The following HHAT variants were observed in gnomAD, a reference collection of about 807,000 sequenced individuals.
HHAT encodes protein-cysteine N-palmitoyltransferase HHAT.
A neutral mutation model predicts 70.8 loss-of-function variants in HHAT; 47 were observed. That is an observed-to-expected ratio of 0.66 (90% CI 0.53 to 0.85). The LOEUF is 0.85. HHAT is among the 40% of genes least tolerant of loss of function. The pLI is 0.00. For synonymous variants in HHAT, 228 were observed against 247.6 expected, an observed-to-expected ratio of 0.92 and a Z score of 0.74; for missense variants, 609 against 604.8, an observed-to-expected ratio of 1.01 and a Z score of -0.07.
intron 10 of HHAT, among the ~76,000 whole-genome samples, chr1:210,600,856 A>G (rs1664106092): frequency 6.6e-6 from 1 of 152,042 alleles, no homozygotes; most frequent in Non-Finnish European, 1.5e-5. Context: ...AAGAGTCTAT[A>G]TCTCAAATAG....
Position 210,508,935 on chromosome 1 carries a change from A to C in HHAT, c.1008-4218A>C, listed in dbSNP as rs1229675996. Among the ~76,000 whole-genome samples the C allele has an allele frequency of 3.2e-4, 49 of 152,224 alleles. 1 individual carries two copies. Among genetic ancestry groups the C allele is most frequent in the Non-Finnish European group, 1.2e-4 (8 of 68,028 alleles). On this transcript the variant is annotated intron_variant, in intron 8 of 11. Coordinates refer to ENST00000261458, the MANE Select transcript of HHAT (RefSeq NM_018194.6). Reference sequence around the variant, plus strand: ...TTAAACTCACAAACATTAGAAGCACAGTACCTATGTAACATTTTCCCCCTG... The same window carrying C: ...TTAAACTCACAAACATTAGAAGCACCGTACCTATGTAACATTTTCCCCCTG...
At chr1:210,457,880 C>T (rs541092469) in intron 7 of HHAT, among the ~76,000 whole-genome samples, 19 of 152,012 alleles carry the variant, frequency 1.2e-4, no homozygotes, top group Non-Finnish European at 2.1e-4. Context: ...GCTTGGAGGT[C>T]CTGATGTTCA....
intron 11 of HHAT, among the ~76,000 whole-genome samples, chr1:210,662,700 A>C (rs1045720102): frequency 6.6e-6 from 1 of 151,156 alleles, no homozygotes; most frequent in African/African-American, 2.4e-5. Context: ...TTGTGCTGTC[A>C]GAATAAGAAA....
intron 11 of HHAT, among the ~76,000 whole-genome samples, chr1:210,654,654 TGA>T (rs1041765473): frequency 7.9e-5 from 12 of 152,324 alleles, no homozygotes; most frequent in African/African-American, 2.9e-4. Context: ...TGTTGAATGA[TGA>T]GAGTCGCATG....
chr1:210,587,827 T>C, intron 9 of HHAT, 71 bp from the exon 10 acceptor site: 1 of 1,132,320 alleles, frequency 8.8e-7, no homozygotes, highest in Admixed American at 1.8e-5. Flanking sequence ...GACAGGATAG[T>C]CAAGCTGGGG....
intron 11 of HHAT, among the ~76,000 whole-genome samples, chr1:210,673,619 T>TC (rs1680552391): frequency 6.7e-6 from 1 of 150,368 alleles, no homozygotes; most frequent in African/African-American, 2.4e-5. Context: ...CAATACTGGG[T>TC]CTAACTCTGT....
At chr1:210,551,426 G>A (rs2148683452) in intron 9 of HHAT, among the ~76,000 whole-genome samples, 1 of 140,920 alleles carries the variant, frequency 7.1e-6, no homozygotes. Context: ...CCTGCTAGAA[G>A]ATTGGTAGGT....
chr1:210,576,376 A>G (rs115679493), intron 9 of HHAT, among the ~76,000 whole-genome samples: 247 of 152,216 alleles, frequency 1.6e-3, no homozygotes, highest in African/African-American at 5.7e-3. Flanking sequence ...AACCATCAAC[A>G]TAAAGTAATA....
At chr1:210,443,232 G>C (rs1331426641) in intron 7 of HHAT, among the ~76,000 whole-genome samples, 4 of 145,576 alleles carry the variant, frequency 2.7e-5, no homozygotes, top group African/African-American at 9.9e-5. Context: ...GTACCATGCT[G>C]TTTTGGTTAC....
intron 3 of HHAT, among the ~76,000 whole-genome samples, chr1:210,380,024 C>T (rs542202880): frequency 2.0e-4 from 30 of 152,348 alleles, no homozygotes; most frequent in Non-Finnish European, 4.0e-4. Context: ...ATACCGGATG[C>T]TCCACTTTTG....
intron 9 of HHAT, among the ~76,000 whole-genome samples, chr1:210,538,629 A>G (rs564531601): frequency 1.3e-5 from 2 of 152,224 alleles, no homozygotes; most frequent in East Asian, 3.8e-4. Flanking sequence ...TGTCTTCTAC[A>G]TTGTAGAAAA....
chr1:210,364,705 T>G (rs537728222), intron 3 of HHAT, among the ~76,000 whole-genome samples: 1 of 152,352 alleles, frequency 6.6e-6, no homozygotes, highest in South Asian at 2.1e-4. Context: ...GTCACTTCAC[T>G]GGGTCAAGCC....
intron 1 of HHAT, among the ~76,000 whole-genome samples, chr1:210,344,793 T>A (rs1454600861): frequency 6.6e-6 from 1 of 152,144 alleles, no homozygotes; most frequent in Non-Finnish European, 1.5e-5. Context: ...AAATCTCCCC[T>A]ACCAGGAGAT....
chr1:210,479,934 G>A (rs1415667746), intron 8 of HHAT, among the ~76,000 whole-genome samples: 1 of 152,168 alleles, frequency 6.6e-6, no homozygotes, highest in Non-Finnish European at 1.5e-5. Flanking sequence ...TACTAGTTCT[G>A]TCACCTCGGT....
rs751507587 is a variant in HHAT, at chr1:210,404,535, C to T, written c.540C>T (p.Tyr180=). Residue 180 remains tyrosine (Y), a synonymous_variant, in exon 6 of 12, where the codon TAC becomes TAT. Transcript: ENST00000261458. ...QFTLTVRCLY[Y]TSFSLELCWQ... is the part of the protein sequence containing the mutation. Reference sequence around the variant, plus strand: ...CGCTGACCGTTCGCTGCCTGTACTACACCAGCTTCAGCCTGGAGCTCTGCT... The same window carrying T: ...CGCTGACCGTTCGCTGCCTGTACTATACCAGCTTCAGCCTGGAGCTCTGCT... 3 of 1,613,850 alleles carry T rather than the reference C, an allele frequency of 1.9e-6. No individual in the cohort carries two copies. The highest frequency in any genetic ancestry group is 3.3e-5 in the Admixed American group (2 of 60,032).
intron 8 of HHAT, among the ~76,000 whole-genome samples, chr1:210,498,848 C>T (rs1038362797): frequency 6.7e-6 from 1 of 149,942 alleles, no homozygotes; most frequent in Admixed American, 6.7e-5. Flanking sequence ...CAGCTCACTG[C>T]AACCTCCATC....
intron 9 of HHAT, among the ~76,000 whole-genome samples, chr1:210,523,598 G>A (rs1054425316): frequency 3.8e-4 from 46 of 120,338 alleles, no homozygotes; most frequent in African/African-American, 1.2e-3. Flanking sequence ...TTTAAATATA[G>A]CTTGTGTGTG....
chr1:210,517,025 A>G (rs2095068123), intron 9 of HHAT, among the ~76,000 whole-genome samples: 1 of 152,210 alleles, frequency 6.6e-6, no homozygotes, highest in Non-Finnish European at 1.5e-5. Flanking sequence ...CCAGTCCTGC[A>G]TCTTATAGAA....
rs184127040 is a variant in HHAT at position 210,466,614 on chromosome 1, A to G, written c.1007+1959A>G. ...CACATACCCCTAAAAGGCTTCTCCC[A>G]TATTGGCTGGCATGATAAAACCATA... On this transcript the variant is annotated intron_variant, in intron 8 of 11. Coordinates refer to ENST00000261458, the MANE Select transcript of HHAT (RefSeq NM_018194.6). 3.6e-4 allele frequency among the ~76,000 whole-genome samples: 55 copies of G among 152,282 alleles called. 1 individual carries two copies. In the East Asian group the frequency reaches 0.01, roughly 28 times the overall value.
Sources: gnomAD v4.1 joint callset for allele counts (sites outside exome capture counted in the v4.1 genomes callset) on GRCh38, gnomAD v4.1.1 for gene constraint, MANE v1.5 for transcripts, NCBI Gene and HGNC (gene_info 2026-07-23, HGNC 2026-07-21) for gene names.